Variants in TRRAP observed in about 807,000 individuals in gnomAD.
TRRAP encodes transformation/transcription domain associated protein.
TRRAP carries 41 observed loss-of-function variants against 438.8 expected under a neutral mutation model. The ratio of observed to expected loss-of-function variants is 0.09; its 90% CI spans 0.07 to 0.12. TRRAP has a LOEUF of 0.12. TRRAP is among the 10% of genes least tolerant of loss of function. TRRAP has a pLI of 1.00. For synonymous variants in TRRAP, 1,994 were observed against 1,962.9 expected, an observed-to-expected ratio of 1.02 and a Z score of -0.42; for missense variants, 3,122 against 5,055.1, an observed-to-expected ratio of 0.62 and a Z score of 11.60.
chr7:99,004,488 G>A, intron 68 of TRRAP, 73 bp downstream of exon 68: 1 of 1,365,752 alleles, frequency 7.3e-7, no homozygotes, highest in East Asian at 2.3e-5. Context: ...GGAGCTCCAG[G>A]GTGGACCCTG....
At chr7:98,880,291 C>G (rs1212456157) in intron 1 of TRRAP, among the ~76,000 whole-genome samples, 2 of 137,926 alleles carry the variant, frequency 1.5e-5, no homozygotes, top group African/African-American at 5.2e-5. Context: ...CGAGACTGAA[C>G]CTTGCTCTAT....
intron 18 of TRRAP, 123 bp downstream of exon 18, chr7:98,912,336 A>T: frequency 1.0e-6 from 1 of 987,180 alleles, no homozygotes; most frequent in Non-Finnish European, 1.4e-6. Flanking sequence ...ACCTGCCTTG[A>T]TCTCCCCAGT....
At position 98,994,967 on chromosome 7, in the gene TRRAP, T is replaced by A; in HGVS notation, c.10309+119T>A. The A allele has an allele frequency of 1.4e-6, 2 of 1,388,064 alleles. No individual in the cohort carries two copies. Among genetic ancestry groups the A allele is most frequent in the Non-Finnish European group, 2.0e-6 (2 of 1,022,770 alleles). The allele number at this position is 1,388,064 out of a possible 1,614,324, so 86.0% of individuals were successfully genotyped here. The stretch of plus-strand genomic sequence containing the variant: ...CTGATCACTGCACGGGGCACACTGG[T>A]TACACTCTGTTTACAGTGCAGACTT... On this transcript the variant is annotated intron_variant, in intron 67 of 72. Transcript: ENST00000456197. This position sits in a 1 kb window ranked among gnomAD's most constrained non-coding sequence, Gnocchi z 4.8.
rs1554412686 is a variant in TRRAP at position 98,930,803 on chromosome 7, C to A, written c.3564C>A (p.Leu1188=). The A allele has an allele frequency of 7.4e-6, 12 of 1,614,110 alleles. No homozygotes were observed. The highest frequency in any genetic ancestry group is 2.7e-5 in the African/African-American group (2 of 74,934). Residue 1188 remains leucine (L), a synonymous_variant, in exon 25 of 73, where the codon CTC becomes CTA. Transcript: ENST00000456197. ...QNQQTFLKAL[L]FVMMDLTGEV... ...AGCAGACATTCCTGAAAGCACTTCT[C>A]TTTGTCATGATGGACTTAACTGGAG... is the stretch of plus-strand genomic sequence containing the variant.
At chr7:98,949,248 A>T (rs1791220459) in intron 35 of TRRAP, among the ~76,000 whole-genome samples, 169 bp from the exon 36 acceptor site, 1 of 152,096 alleles carries the variant, frequency 6.6e-6, no homozygotes, top group Admixed American at 6.5e-5. Flanking sequence ...AAAAAGAAAA[A>T]AAAAAAGCAT....
In TRRAP at chr7:98,910,223, A is replaced by ACCCCCCC; in HGVS notation, c.1520_1521insCCCCCCC (p.Pro510SerfsTer65). The ACCCCCCC allele has an allele frequency of 3.9e-6, 1 of 257,398 alleles. No individual in the cohort carries two copies. The allele number at this position is 257,398 out of a possible 1,614,324, so 15.9% of individuals were successfully genotyped here. A position where few individuals can be genotyped will look rare whatever the true frequency, so the allele number is the denominator to read the frequency against. On this transcript the variant is annotated frameshift_variant, in exon 15 of 73. Transcript: ENST00000456197. LOFTEE classifies it high-confidence loss of function. The stretch of plus-strand genomic sequence containing the variant: ...CCTCCCCAGCCCCTGTCCCTGCCCC[A>ACCCCCCC]CCTCCACCCCCGCCCCCACCCCCAC...
chr7:99,007,987 G>A (rs560944985), intron 69 of TRRAP, among the ~76,000 whole-genome samples: 130 of 151,756 alleles, frequency 8.6e-4, no homozygotes, highest in South Asian at 6.7e-3. Context: ...CACCACTCCC[G>A]GCTAATTTTT....
intron 22 of TRRAP, among the ~76,000 whole-genome samples, chr7:98,925,946 A>G (rs1554411472): frequency 6.6e-6 from 1 of 152,180 alleles, no homozygotes; most frequent in African/African-American, 2.4e-5. Context: ...AAATAGACCC[A>G]CACAGGCTTC....
intron 51 of TRRAP, among the ~76,000 whole-genome samples, chr7:98,969,639 A>G (rs1262134592): frequency 1.3e-5 from 2 of 150,664 alleles, no homozygotes; most frequent in Non-Finnish European, 2.9e-5. Flanking sequence ...TGTGGTGGCG[A>G]GTGGCCCAAC....
intron 43 of TRRAP, 134 bp from the exon 44 acceptor site, chr7:98,957,847 T>G: frequency 2.7e-6 from 2 of 737,782 alleles, no homozygotes; most frequent in Non-Finnish European, 4.7e-6. Context: ...CATCTGTCTT[T>G]GGTATCCCCA....
At chr7:98,889,083 A>G (rs1183819593) in intron 3 of TRRAP, among the ~76,000 whole-genome samples, 1 of 120,382 alleles carries the variant, frequency 8.3e-6, no homozygotes, top group African/African-American at 3.3e-5. Context: ...AGGTCTTGCT[A>G]TATTGCCCAG....
At position 98,983,396 on chromosome 7, in the gene TRRAP, A is replaced by G. The variant is rs1441812381; in HGVS notation, c.8959A>G (p.Ile2987Val). Reference sequence around the variant, plus strand: ...GAAGACCTGGAGGAACCGACTGCCCATCGTGTCTGACGACTTGTCCCACTG... The same window carrying G: ...GAAGACCTGGAGGAACCGACTGCCCGTCGTGTCTGACGACTTGTCCCACTG... ...VVKTWRNRLP[I>V]VSDDLSHWSS... The change falls in exon 60 of 73, where the codon ATC (isoleucine) becomes GTC (valine). Residue 2987 changes from isoleucine (I) to valine (V), a missense_variant. Around this residue, in one of 24 missense-constraint regions of TRRAP, gnomAD observed 129 missense variants for 279.2 expected, o/e 0.46. Transcript: ENST00000456197. The G allele has an allele frequency of 5.0e-6, 8 of 1,614,184 alleles. No individual in the cohort carries two copies. Among genetic ancestry groups the G allele is most frequent in the East Asian group, 4.5e-5 (2 of 44,878 alleles).
chr7:98,986,146 A>G (rs954177546), intron 62 of TRRAP, among the ~76,000 whole-genome samples: 4 of 151,722 alleles, frequency 2.6e-5, no homozygotes, highest in Non-Finnish European at 5.9e-5. Flanking sequence ...TGGCTGAATA[A>G]TATTCCATTG....
intron 51 of TRRAP, 134 bp downstream of exon 51, chr7:98,967,832 A>G (rs1417244187): frequency 1.6e-5 from 13 of 798,928 alleles, no homozygotes; most frequent in Non-Finnish European, 1.9e-5. Context: ...TCTGATCTCC[A>G]GGAAGAAAAT....
At chr7:99,004,822 T>C (rs1794085867) in intron 68 of TRRAP, among the ~76,000 whole-genome samples, 1 of 152,210 alleles carries the variant, frequency 6.6e-6, no homozygotes, top group Non-Finnish European at 1.5e-5. Flanking sequence ...GTTTCGTCTT[T>C]ATTTCTGAAC....
At chr7:98,888,945 A>G (rs1044698285) in intron 3 of TRRAP, among the ~76,000 whole-genome samples, 2 of 151,850 alleles carry the variant, frequency 1.3e-5, no homozygotes, top group African/African-American at 4.8e-5. Flanking sequence ...ACATGATAGG[A>G]GTTTAGAAAA....
intron 68 of TRRAP, among the ~76,000 whole-genome samples, chr7:99,004,852 C>T (rs1794087779): frequency 6.6e-6 from 1 of 152,188 alleles, no homozygotes; most frequent in Non-Finnish European, 1.5e-5. Context: ...CTCTGCTTTT[C>T]TATATGTCCA....
At chr7:98,929,586 T>G (rs1554412346) in intron 23 of TRRAP, among the ~76,000 whole-genome samples, 1 of 152,014 alleles carries the variant, frequency 6.6e-6, no homozygotes, top group Non-Finnish European at 1.5e-5. Context: ...TGGCTTTTTA[T>G]GGAGTTTCTT....
At chr7:98,944,839 C>CT (rs1554416427) in intron 31 of TRRAP, among the ~76,000 whole-genome samples, 1 of 152,108 alleles carries the variant, frequency 6.6e-6, no homozygotes, top group African/African-American at 2.4e-5. Context: ...GACGGAGCCT[C>CT]TGTCACCCAG....
Sources: allele counts gnomAD v4.1 joint callset (sites outside exome capture counted in the v4.1 genomes callset), GRCh38; gene constraint gnomAD v4.1.1; regional missense constraint gnomAD v4.1.1; non-coding constraint Gnocchi (gnomAD v3.1); transcripts MANE v1.5; gene names NCBI Gene and HGNC (gene_info 2026-07-23, HGNC 2026-07-21).